The following FNIP1 variants were observed in gnomAD, a reference collection of about 807,000 sequenced individuals.
FNIP1 encodes folliculin interacting protein 1, also known as folliculin-interacting protein 1.
FNIP1 carries 40 observed loss-of-function variants against 124.5 expected under a neutral mutation model. That is an observed-to-expected ratio of 0.32 (90% confidence interval 0.25 to 0.42). FNIP1 has a LOEUF of 0.42. Among genes scored for constraint, FNIP1 ranks in the 10% least tolerant of loss-of-function variants. The probability of loss-of-function intolerance (pLI) is 1.00; values close to 1 mark genes in which losing one functional copy is unlikely to be tolerated. For synonymous variants in FNIP1, 472 were observed against 470.6 expected (o/e 1.00, Z -0.04); for missense variants, 1,176 against 1,403.7 (o/e 0.84, Z 2.59).
chr5:131,755,328 G>A (rs1277338042), intron 1 of FNIP1, among the ~76,000 whole-genome samples: 6 of 151,686 alleles, frequency 4.0e-5, no homozygotes, highest in Non-Finnish European at 5.9e-5. Flanking sequence ...GGCTGGGACA[G>A]GAGAACCACT....
intron 2 of FNIP1, among the ~76,000 whole-genome samples, chr5:131,735,532 G>A (rs924302427): frequency 9.6e-5 from 14 of 145,754 alleles, no homozygotes; most frequent in African/African-American, 3.0e-4. Context: ...ACATATATAC[G>A]TATTTATATA....
chr5:131,736,568 G>C (rs1239269499), intron 2 of FNIP1, among the ~76,000 whole-genome samples: 1 of 152,214 alleles, frequency 6.6e-6, no homozygotes, highest in Non-Finnish European at 1.5e-5. Context: ...GGGCAAGTGA[G>C]CATTACCGCC....
Position 131,642,447 on chromosome 5 carries a change from T to C in FNIP1, c.*2238A>G, listed in dbSNP as rs1048004503. The C allele has an allele frequency of 1.3e-5, 2 of 152,150 alleles. No homozygotes were observed. Among genetic ancestry groups the C allele is most frequent in the African/African-American group, 2.4e-5 (1 of 41,370 alleles). 9.4% of individuals were successfully genotyped at this position (152,150 alleles called of 1,614,324 possible). On this transcript the variant is annotated 3_prime_UTR_variant, in exon 18 of 18. Coordinates refer to ENST00000510461, the MANE Select transcript of FNIP1 (RefSeq NM_133372.3). Reference sequence around the variant, plus strand: ...CTTAGCTTTAGGAACAACAATAGCATGAGCCACCCACTTATTGAGGACTAG... The same window carrying C: ...CTTAGCTTTAGGAACAACAATAGCACGAGCCACCCACTTATTGAGGACTAG...
chr5:131,759,458 A>G (rs923990570), intron 1 of FNIP1, among the ~76,000 whole-genome samples: 31 of 152,186 alleles, frequency 2.0e-4, no homozygotes, highest in African/African-American at 6.3e-4. Context: ...GACACTTCTC[A>G]AAAGATGACA....
intron 13 of FNIP1, among the ~76,000 whole-genome samples, chr5:131,675,737 A>G (rs1434695676): frequency 1.3e-5 from 2 of 152,104 alleles, no homozygotes; most frequent in Non-Finnish European, 2.9e-5. Flanking sequence ...GGAGAAGGAG[A>G]TGGGGAGGAG....
intron 13 of FNIP1, among the ~76,000 whole-genome samples, chr5:131,673,606 G>T (rs1212370757): frequency 2.6e-5 from 4 of 152,136 alleles, no homozygotes; most frequent in Non-Finnish European, 5.9e-5. Flanking sequence ...ATGTACACAA[G>T]GATTCTGTAG....
intron 1 of FNIP1, among the ~76,000 whole-genome samples, chr5:131,761,344 G>A (rs564145082): frequency 2.0e-5 from 3 of 152,274 alleles, no homozygotes; most frequent in East Asian, 3.9e-4. Flanking sequence ...AAGCTTGTCT[G>A]CAGAGACATC....
chr5:131,709,161 G>A (rs1430118942), intron 8 of FNIP1, 40 bp downstream of exon 8: 7 of 1,529,526 alleles, frequency 4.6e-6, no homozygotes, highest in South Asian at 1.1e-5. Flanking sequence ...AATGCCAACA[G>A]TAATCTCATA....
intron 10 of FNIP1, among the ~76,000 whole-genome samples, chr5:131,700,132 C>T (rs1201839543): frequency 6.6e-6 from 1 of 151,560 alleles, no homozygotes. Flanking sequence ...TACAGGCACA[C>T]ACCACCATGC....
chr5:131,747,869 A>G (rs917232373), intron 1 of FNIP1, among the ~76,000 whole-genome samples: 4 of 152,158 alleles, frequency 2.6e-5, no homozygotes, highest in Admixed American at 6.5e-5. Context: ...ACAGAATCTG[A>G]GGTGGAGGAG....
At chr5:131,763,183 A>G (rs766314991) in intron 1 of FNIP1, among the ~76,000 whole-genome samples, 1 of 152,206 alleles carries the variant, frequency 6.6e-6, no homozygotes, top group Non-Finnish European at 1.5e-5. Context: ...TGTATGTAAC[A>G]CAAAGGGTAA....
chr5:131,725,696 C>T (rs1466252269), intron 3 of FNIP1, among the ~76,000 whole-genome samples: 1 of 152,156 alleles, frequency 6.6e-6, no homozygotes, highest in Non-Finnish European at 1.5e-5. Flanking sequence ...ATTTATTTCT[C>T]TTGCCTGATT....
chr5:131,691,399 A>G (rs1437310259), intron 11 of FNIP1, among the ~76,000 whole-genome samples: 1 of 152,226 alleles, frequency 6.6e-6, no homozygotes, highest in East Asian at 1.9e-4. Context: ...AAGATCTAAA[A>G]TCAACGATCT....
chr5:131,792,082 A>G (rs1232522547), intron 1 of FNIP1, among the ~76,000 whole-genome samples: 1 of 152,174 alleles, frequency 6.6e-6, no homozygotes, highest in Non-Finnish European at 1.5e-5. Context: ...AATCCTTAAA[A>G]TAAACCTGTT....
At chr5:131,755,477 T>C (rs1216956011) in intron 1 of FNIP1, among the ~76,000 whole-genome samples, 4 of 150,314 alleles carry the variant, frequency 2.7e-5, no homozygotes, top group African/African-American at 4.9e-5. Flanking sequence ...CTGAGGAGAA[T>C]GGCTGGGAAC....
intron 11 of FNIP1, 94 bp from the exon 12 acceptor site, chr5:131,679,269 CATCTAG>C: frequency 1.3e-6 from 1 of 742,114 alleles, no homozygotes; most frequent in South Asian, 1.7e-5. Context: ...TTGGTCCTTA[CATCTAG>C]ATTATTAAAG....
intron 2 of FNIP1, among the ~76,000 whole-genome samples, chr5:131,736,928 C>T (rs1318899721): frequency 6.6e-6 from 1 of 152,076 alleles, no homozygotes; most frequent in African/African-American, 2.4e-5. Flanking sequence ...TTCAGAAAAG[C>T]AAAAGTTCTT....
Position 131,671,918 on chromosome 5 carries a change from A to C in FNIP1, c.2526T>G (p.Asp842Glu). ...MSLFDEYFND[D>E]SIETRTIDDV... is the part of the protein sequence containing the mutation. ...CATCAATAGTCCTGGTTTCGATTGA[A>C]TCATCATTAAAATATTCGTCGAATA... Residue 842 changes from aspartate to glutamate, a missense_variant, in exon 14 of 18, where the codon GAT (aspartate) becomes GAG (glutamate). By Grantham distance (45) the Asp-to-Glu change is conservative (BLOSUM62 2). Coordinates refer to ENST00000510461, the MANE Select transcript of FNIP1 (RefSeq NM_133372.3). The C allele has an allele frequency of 6.2e-7, 1 of 1,614,216 alleles. No homozygotes were observed. The highest frequency in any genetic ancestry group is 8.5e-7 in the Non-Finnish European group (1 of 1,180,032).
chr5:131,757,037 A>G (rs1413558914), intron 1 of FNIP1, among the ~76,000 whole-genome samples: 2 of 152,228 alleles, frequency 1.3e-5, no homozygotes, highest in African/African-American at 4.8e-5. Context: ...GGCTGTTAAG[A>G]GTGACAGTGA....
Sources: allele counts gnomAD v4.1 joint callset (sites outside exome capture counted in the v4.1 genomes callset), GRCh38; gene constraint gnomAD v4.1.1; transcripts MANE v1.5; gene names NCBI Gene and HGNC (gene_info 2026-07-23, HGNC 2026-07-21).